CPEB3: variants seen among roughly 807,000 people sequenced by gnomAD.
CPEB3 encodes cytoplasmic polyadenylation element-binding protein 3.
In CPEB3, 20 loss-of-function variants were observed where a neutral mutation model predicts 67.2. The ratio of observed to expected loss-of-function variants is 0.30; its 90% CI spans 0.21 to 0.43. CPEB3 has a LOEUF of 0.43. Among genes scored for constraint, CPEB3 ranks in the 20% least tolerant of loss-of-function variants. The probability of loss-of-function intolerance (pLI) is 1.00; values close to 1 mark genes in which losing one functional copy is unlikely to be tolerated. For missense variants in CPEB3, 746 were observed against 968.6 expected (o/e 0.77, Z 3.05); for synonymous variants, 376 against 393.1 (o/e 0.96, Z 0.51).
In CPEB3 at chr10:92,239,998, G is replaced by A. The variant is rs1206185951; in HGVS notation, c.353C>T (p.Ala118Val). The A allele has an allele frequency of 1.2e-6, 2 of 1,611,164 alleles. No individual in the cohort carries two copies. The highest frequency in any genetic ancestry group is 1.1e-5 in the South Asian group (1 of 90,440). Residue 118 changes from alanine (A) to valine (V), a missense_variant, in exon 2 of 10, where the codon GCG becomes GTG. By Grantham distance (64) the Ala-to-Val change is moderately conservative (BLOSUM62 0). Transcript: ENST00000265997. This position sits in a 1 kb window ranked among gnomAD's most constrained non-coding sequence, Gnocchi z 6.0. ...CCCCTGGAAGAAGCTGTCCTCTACC[G>A]CGTTGGTGGTGCCCGTGGACCAGGT... ...GSTWSTGTTN[A>V]VEDSFFQGIT... is the part of the protein sequence containing the mutation.
At chr10:92,206,547 T>C (rs201379535) in intron 2 of CPEB3, among the ~76,000 whole-genome samples, 3 of 152,192 alleles carry the variant, frequency 2.0e-5, no homozygotes, top group East Asian at 3.9e-4. Context: ...TCTCAAATAC[T>C]AGGACTTAAG....
intron 9 of CPEB3, among the ~76,000 whole-genome samples, chr10:92,078,899 T>C (rs536221550): frequency 2.0e-5 from 3 of 152,182 alleles, no homozygotes; most frequent in South Asian, 2.1e-4. Flanking sequence ...CTACTATAAA[T>C]CCCTGGGGCA....
rs1166880423 is a variant in CPEB3, at chr10:92,047,302, G to A, written c.*4910C>T. The A allele has an allele frequency of 2.7e-5, 4 of 150,938 alleles. No homozygotes were observed. Among genetic ancestry groups the A allele is most frequent in the Non-Finnish European group, 5.9e-5 (4 of 67,830 alleles). 9.3% of individuals were successfully genotyped at this position (150,938 alleles called of 1,614,324 possible). A position where few individuals can be genotyped will look rare whatever the true frequency, so the allele number is the denominator to read the frequency against. ...AAATGTTAGCTGACATACCATACAA[G>A]CTAGTGAAAAGCAACAATCCATTCA... On this transcript the variant is annotated 3_prime_UTR_variant, in exon 10 of 10. Transcript: ENST00000265997.
At position 92,230,351 on chromosome 10, in the gene CPEB3, T is replaced by C. The variant is rs1328242571; in HGVS notation, c.1005+8995A>G. On this transcript the variant is annotated intron_variant, in intron 2 of 9. Coordinates refer to ENST00000265997, the MANE Select transcript of CPEB3 (RefSeq NM_014912.5). ...AATAGTCCTATGCATACATAATCAG[T>C]ACACAATGTTTCCTTCCCTTTGTGT... Among the ~76,000 whole-genome samples the C allele has an allele frequency of 2.0e-5, 3 of 152,238 alleles. No homozygotes were observed. In the South Asian group the frequency reaches 6.2e-4, roughly 32 times the overall value.
Position 92,289,730 on chromosome 10 carries a change from A to AT in CPEB3, c.-12+1195_-12+1196insA, listed in dbSNP as rs1213696029. Among the ~76,000 whole-genome samples the AT allele has an allele frequency of 7.9e-3, 904 of 114,028 alleles. 3 individuals carry two copies. Among genetic ancestry groups the AT allele is most frequent in the Non-Finnish European group, 0.013 (731 of 55,076 alleles). The allele number at this position is 114,028 out of a possible 152,430, so 74.8% of individuals were successfully genotyped here. Reference sequence around the variant, plus strand: ...ACCGCGTCTCTACCAAAAAAAAAAAAAAATATATATATATATATATATATA... The same window carrying AT: ...ACCGCGTCTCTACCAAAAAAAAAAAATAAATATATATATATATATATATATA... On this transcript the variant is annotated intron_variant, in intron 1 of 9. Coordinates refer to ENST00000265997, the MANE Select transcript of CPEB3 (RefSeq NM_014912.5).
intron 1 of CPEB3, among the ~76,000 whole-genome samples, chr10:92,256,369 G>T (rs988132199): frequency 1.3e-5 from 2 of 151,528 alleles, no homozygotes; most frequent in Admixed American, 1.3e-4. Context: ...CCCTTGCCAT[G>T]AGGATAAAAT....
chr10:92,095,047 T>C (rs1343488869), intron 7 of CPEB3, among the ~76,000 whole-genome samples: 1 of 152,196 alleles, frequency 6.6e-6, no homozygotes, highest in Non-Finnish European at 1.5e-5. Context: ...AGACAGGAAA[T>C]ACAGCCTTTT....
chr10:92,116,256 A>AT (rs1418130623), intron 6 of CPEB3, among the ~76,000 whole-genome samples: 3 of 140,920 alleles, frequency 2.1e-5, no homozygotes, highest in Non-Finnish European at 4.7e-5. Context: ...TTCCAGTAAA[A>AT]AAAAAAAAAA....
At chr10:92,071,103 A>T (rs1191355592) in intron 9 of CPEB3, among the ~76,000 whole-genome samples, 1 of 141,600 alleles carries the variant, frequency 7.1e-6, no homozygotes, top group Admixed American at 7.2e-5. Context: ...ACACACACAC[A>T]CACACTTCCT....
chr10:92,108,811 A>G (rs970365938), intron 7 of CPEB3, among the ~76,000 whole-genome samples: 5 of 152,226 alleles, frequency 3.3e-5, no homozygotes, highest in African/African-American at 1.2e-4. Context: ...ATTATTTTCA[A>G]AAGTCCTTCA....
At chr10:92,147,351 G>C (rs549164539) in intron 4 of CPEB3, among the ~76,000 whole-genome samples, 87 of 152,270 alleles carry the variant, frequency 5.7e-4, no homozygotes, top group Non-Finnish European at 1.1e-3. Context: ...AGCTACTGGG[G>C]AAGCTGAGGT....
At chr10:92,122,061 G>A (rs1168474083) in intron 6 of CPEB3, among the ~76,000 whole-genome samples, 1 of 152,088 alleles carries the variant, frequency 6.6e-6, no homozygotes, top group African/African-American at 2.4e-5. Context: ...AAGTACTGAG[G>A]TTGCAAAGAT....
chr10:92,080,701 C>T (rs1327918310), intron 9 of CPEB3, among the ~76,000 whole-genome samples: 1 of 152,030 alleles, frequency 6.6e-6, no homozygotes, highest in East Asian at 1.9e-4. Flanking sequence ...TCACGCCATT[C>T]TCCTGCCTCA....
chr10:92,153,899 A>G (rs1847081345), intron 4 of CPEB3, among the ~76,000 whole-genome samples: 1 of 152,188 alleles, frequency 6.6e-6, no homozygotes, highest in East Asian at 1.9e-4. Flanking sequence ...AATATATATT[A>G]AATGTGTAGG....
At chr10:92,109,180 G>T (rs545859259) in intron 7 of CPEB3, among the ~76,000 whole-genome samples, 1 of 151,980 alleles carries the variant, frequency 6.6e-6, no homozygotes, top group South Asian at 2.1e-4. Flanking sequence ...TCTCCAACTG[G>T]CATGCCAGTA....
intron 6 of CPEB3, among the ~76,000 whole-genome samples, chr10:92,125,147 T>C (rs1845555017): frequency 1.3e-5 from 2 of 152,230 alleles, no homozygotes; most frequent in African/African-American, 4.8e-5. Context: ...TACAAACTTT[T>C]CTAAAAGTGG....
chr10:92,192,330 AATC>A (rs919579791), intron 3 of CPEB3, 144 bp downstream of exon 3: 9 of 739,892 alleles, frequency 1.2e-5, no homozygotes, highest in Non-Finnish European at 1.9e-5. Context: ...GGTTAAAAAA[AATC>A]AACTTTAAAT....
intron 2 of CPEB3, among the ~76,000 whole-genome samples, chr10:92,234,057 G>C (rs1230219510): frequency 1.5e-5 from 2 of 137,384 alleles, no homozygotes; most frequent in African/African-American, 5.4e-5. Context: ...AGTAAGCCGA[G>C]ATCATACCAC....
chr10:92,252,802 G>A (rs1168319840), intron 1 of CPEB3, among the ~76,000 whole-genome samples: 3 of 152,030 alleles, frequency 2.0e-5, no homozygotes, highest in Admixed American at 6.6e-5. Flanking sequence ...TTACATGTGT[G>A]AGCCACTGTG....
Sources: allele counts gnomAD v4.1 joint callset (sites outside exome capture counted in the v4.1 genomes callset), GRCh38; gene constraint gnomAD v4.1.1; non-coding constraint Gnocchi (gnomAD v3.1); transcripts MANE v1.5; gene names NCBI Gene and HGNC (gene_info 2026-07-23, HGNC 2026-07-21).